Variants in HTR1E observed in about 807,000 individuals in gnomAD.
The protein encoded by HTR1E is 5-hydroxytryptamine receptor 1E, also known as 5-HT-1E.
In HTR1E, 3 loss-of-function variants were observed where a neutral mutation model predicts 3.4. The observed-to-expected ratio is 0.89, with a 90% CI of 0.41 to 2.31. The LOEUF (loss-of-function observed/expected upper bound fraction) is 2.31, where lower values mean the gene tolerates loss of function less well. HTR1E is among the 30% of genes most tolerant of loss of function. The pLI is 0.05. For missense variants in HTR1E, 392 were observed against 467.0 expected (o/e 0.84, Z 1.48); for synonymous variants, 170 against 182.8 (o/e 0.93, Z 0.56).
At chr6:86,964,161 A>T (rs943285427) in intron 1 of HTR1E, among the ~76,000 whole-genome samples, 1 of 152,180 alleles carries the variant, frequency 6.6e-6, no homozygotes, top group African/African-American at 2.4e-5. Flanking sequence ...TGAAAAACAA[A>T]ATCATCATGT....
intron 1 of HTR1E, among the ~76,000 whole-genome samples, chr6:87,010,869 C>A (rs1025647115): frequency 2.0e-5 from 3 of 152,152 alleles, no homozygotes; most frequent in South Asian, 2.1e-4. Flanking sequence ...CGGCGCTCGC[C>A]GGCCTATACG....
intron 1 of HTR1E, among the ~76,000 whole-genome samples, chr6:86,973,560 C>T (rs964510395): frequency 6.6e-6 from 1 of 152,132 alleles, no homozygotes; most frequent in Non-Finnish European, 1.5e-5. Context: ...TTCCAAAAGA[C>T]CCGCCCCAAA....
chr6:86,946,916 A>G (rs1292862727), intron 1 of HTR1E, among the ~76,000 whole-genome samples: 1 of 152,178 alleles, frequency 6.6e-6, no homozygotes, highest in Non-Finnish European at 1.5e-5. Context: ...CAGGAGTTTG[A>G]GACCAGCCTG....
At chr6:86,985,054 T>C (rs1160655280) in intron 1 of HTR1E, among the ~76,000 whole-genome samples, 4 of 152,142 alleles carry the variant, frequency 2.6e-5, no homozygotes, top group South Asian at 2.1e-4. Flanking sequence ...AAAGACAGCA[T>C]AGGCCAAGTG....
At chr6:86,978,893 G>A (rs1459080014) in intron 1 of HTR1E, among the ~76,000 whole-genome samples, 1 of 152,176 alleles carries the variant, frequency 6.6e-6, no homozygotes, top group Non-Finnish European at 1.5e-5. Context: ...AATTGGTAAT[G>A]CCAGCTTTGC....
intron 1 of HTR1E, among the ~76,000 whole-genome samples, chr6:86,984,292 T>C (rs1313877277): frequency 6.6e-6 from 1 of 152,182 alleles, no homozygotes; most frequent in East Asian, 1.9e-4. Context: ...GGGCGAAAGG[T>C]CATATAATTC....
At chr6:86,958,301 G>A (rs541836684) in intron 1 of HTR1E, among the ~76,000 whole-genome samples, 2 of 151,954 alleles carry the variant, frequency 1.3e-5, no homozygotes, top group African/African-American at 4.8e-5. Context: ...CTCGTGATCT[G>A]CCCACCTTGG....
At chr6:86,944,846 T>C (rs564125022) in intron 1 of HTR1E, among the ~76,000 whole-genome samples, 2 of 152,308 alleles carry the variant, frequency 1.3e-5, no homozygotes, top group East Asian at 3.9e-4. Context: ...AATGTATCGC[T>C]CATGTGCTTG....
chr6:86,975,484 A>G (rs1767617355), intron 1 of HTR1E, among the ~76,000 whole-genome samples: 1 of 151,850 alleles, frequency 6.6e-6, no homozygotes, highest in Non-Finnish European at 1.5e-5. Flanking sequence ...CTCCATCTAT[A>G]TATTCTCCTA....
At position 87,016,204 on chromosome 6, in the gene HTR1E, A is replaced by T. The variant is rs1433511143; in HGVS notation, c.870A>T (p.Ala290=). 1 of 1,614,142 alleles carries T rather than the reference A, an allele frequency of 6.2e-7. No homozygotes were observed. Among genetic ancestry groups the T allele is most frequent in the South Asian group, 1.1e-5 (1 of 91,076 alleles). Residue 290 remains alanine (A), a synonymous_variant, in exon 2 of 2, where the codon GCA becomes GCT. Coordinates refer to ENST00000305344, the MANE Select transcript of HTR1E (RefSeq NM_000865.3). ...QISSTRERKA[A]RILGLILGAF... ...CTAGCACCAGGGAACGGAAGGCAGC[A>T]CGCATCCTGGGGCTGATTCTGGGTG...
intron 1 of HTR1E, among the ~76,000 whole-genome samples, chr6:87,011,550 T>C (rs75254344): frequency 6.6e-6 from 1 of 152,356 alleles, no homozygotes; most frequent in African/African-American, 2.4e-5. Context: ...TTCAAAGTCT[T>C]AGCAAAACTT....
rs1034714328 is a variant in HTR1E at position 86,966,038 on chromosome 6, A to C, written c.-186+28215A>C. Among the ~76,000 whole-genome samples, 3 of 151,972 alleles carry C rather than the reference A, an allele frequency of 2.0e-5. No homozygotes were observed. The East Asian group carries it at 5.8e-4, about 29-fold the overall frequency. ...AAATAGGAATTCTCTAACACCCACAAAAAAAAATAGATGGTCTTCCCCTAT... is the reference window on the plus strand; with the variant it reads ...AAATAGGAATTCTCTAACACCCACACAAAAAAATAGATGGTCTTCCCCTAT... On this transcript the variant is annotated intron_variant, in intron 1 of 1. Coordinates refer to ENST00000305344, the MANE Select transcript of HTR1E (RefSeq NM_000865.3).
At chr6:86,956,815 T>C (rs936833534) in intron 1 of HTR1E, among the ~76,000 whole-genome samples, 1 of 152,374 alleles carries the variant, frequency 6.6e-6, no homozygotes, top group South Asian at 2.1e-4. Flanking sequence ...ACATTATTTA[T>C]GGAGTTTTTT....
chr6:87,006,909 C>G (rs1432879749), intron 1 of HTR1E, among the ~76,000 whole-genome samples: 2 of 152,086 alleles, frequency 1.3e-5, no homozygotes, highest in Non-Finnish European at 2.9e-5. Flanking sequence ...ACAACACACA[C>G]TGGGGCCTGC....
intron 1 of HTR1E, among the ~76,000 whole-genome samples, chr6:87,004,592 C>G (rs781716818): frequency 1.3e-5 from 2 of 152,084 alleles, no homozygotes; most frequent in Admixed American, 6.6e-5. Flanking sequence ...GAAGTACATA[C>G]CTCAACACAA....
chr6:86,996,862 G>C (rs896590764), intron 1 of HTR1E, among the ~76,000 whole-genome samples: 1 of 151,718 alleles, frequency 6.6e-6, no homozygotes, highest in East Asian at 1.9e-4. Context: ...AAATAGAAAA[G>C]GAACACTTTC....
chr6:86,946,648 C>A (rs1768620540), intron 1 of HTR1E, among the ~76,000 whole-genome samples: 1 of 152,182 alleles, frequency 6.6e-6, no homozygotes, highest in African/African-American at 2.4e-5. Context: ...TTGAGGACAA[C>A]TGAAGTAACT....
In HTR1E at chr6:87,015,751, C is replaced by T. The variant is rs146428063; in HGVS notation, c.417C>T (p.Ala139=). The T allele has an allele frequency of 6.2e-6, 10 of 1,609,362 alleles. No individual in the cohort carries two copies. The highest frequency in any genetic ancestry group is 1.7e-5 in the Admixed American group (1 of 59,722). Residue 139 remains alanine (A), a synonymous_variant, in exon 2 of 2, where the codon GCC becomes GCT. Coordinates refer to ENST00000305344, the MANE Select transcript of HTR1E (RefSeq NM_000865.3). The part of the protein sequence containing the change: ...EYARKRTAKR[A]ALMILTVWTI... ...CCAGGAAGAGGACGGCCAAGAGGGC[C>T]GCGCTGATGATCCTTACCGTCTGGA...
At chr6:86,945,415 G>T (rs957605844) in intron 1 of HTR1E, among the ~76,000 whole-genome samples, 2 of 151,596 alleles carry the variant, frequency 1.3e-5, no homozygotes, top group South Asian at 2.1e-4. Context: ...CTAATTTTTT[G>T]AATTTTTAGT....
Sources: gnomAD v4.1 joint callset for allele counts (sites outside exome capture counted in the v4.1 genomes callset) on GRCh38, gnomAD v4.1.1 for gene constraint, MANE v1.5 for transcripts, NCBI Gene and HGNC (gene_info 2026-07-23, HGNC 2026-07-21) for gene names.